XKR4: variants seen among roughly 807,000 people sequenced by gnomAD.
The protein encoded by XKR4 is XK-related protein 4.
Under a neutral mutation model 53.9 loss-of-function variants are expected in XKR4, and 12 were observed. The observed-to-expected ratio is 0.22, with a 90% CI of 0.14 to 0.36. The LOEUF is 0.36. Ranked by LOEUF, XKR4 falls within the 10% of genes least tolerant of loss-of-function variation. The pLI is 1.00. For synonymous variants in XKR4, 354 were observed against 362.4 expected (o/e 0.98, Z 0.26); for missense variants, 799 against 859.5 (o/e 0.93, Z 0.88).
chr8:55,314,422 G>T (rs1819432623), intron 1 of XKR4, among the ~76,000 whole-genome samples: 1 of 152,056 alleles, frequency 6.6e-6, no homozygotes, highest in Non-Finnish European at 1.5e-5. Context: ...CCCCCCCATC[G>T]CTGGGGCACC....
Position 55,133,941 on chromosome 8 carries a change from C to A in XKR4, c.806+30647C>A, listed in dbSNP as rs191541093. Among the ~76,000 whole-genome samples the A allele has an allele frequency of 2.6e-5, 4 of 152,150 alleles. No homozygotes were observed. The East Asian group carries it at 7.7e-4, about 29-fold the overall frequency. ...GCTGTGCATTGCTCAGAAGTGAAAA[C>A]GTCCATAACAGCTATAGAGACTGGG... On this transcript the variant is annotated intron_variant, in intron 1 of 2. Coordinates refer to ENST00000327381, the MANE Select transcript of XKR4 (RefSeq NM_052898.2).
chr8:55,317,847 G>T (rs759442337), intron 1 of XKR4, among the ~76,000 whole-genome samples: 57 of 152,204 alleles, frequency 3.7e-4, no homozygotes, highest in Non-Finnish European at 6.2e-4. Context: ...CCTAACATCA[G>T]GGGCTGAGAC....
At chr8:55,292,730 G>A (rs1280668778) in intron 1 of XKR4, among the ~76,000 whole-genome samples, 1 of 152,074 alleles carries the variant, frequency 6.6e-6, no homozygotes, top group African/African-American at 2.4e-5. Flanking sequence ...GGCATGAATT[G>A]TTAATTTGAG....
chr8:55,282,681 C>A (rs1041916694), intron 1 of XKR4, among the ~76,000 whole-genome samples: 1 of 152,144 alleles, frequency 6.6e-6, no homozygotes, highest in Non-Finnish European at 1.5e-5. Flanking sequence ...CTACCTCCAA[C>A]ATTGGGGATC....
chr8:55,290,883 A>T (rs1819009298), intron 1 of XKR4, among the ~76,000 whole-genome samples: 1 of 152,034 alleles, frequency 6.6e-6, no homozygotes, highest in Non-Finnish European at 1.5e-5. Context: ...AAAGTTTTTA[A>T]TTTTTATGTC....
At chr8:55,161,662 C>T (rs761788074) in intron 1 of XKR4, 30 of 455,746 alleles carry the variant, frequency 6.6e-5, no homozygotes, top group Admixed American at 1.6e-4. Flanking sequence ...AATACTTGGA[C>T]GGTGTTTAGA....
At chr8:55,444,723 G>T (rs959156049) in intron 2 of XKR4, among the ~76,000 whole-genome samples, 1 of 152,140 alleles carries the variant, frequency 6.6e-6, no homozygotes, top group East Asian at 1.9e-4. Context: ...CTGCTAATGG[G>T]AATGTATGTT....
At chr8:55,460,468 C>G (rs550152339) in intron 2 of XKR4, among the ~76,000 whole-genome samples, 1 of 152,208 alleles carries the variant, frequency 6.6e-6, no homozygotes, top group African/African-American at 2.4e-5. Flanking sequence ...AGATATTTAT[C>G]AAAGAAAATA....
intron 1 of XKR4, among the ~76,000 whole-genome samples, chr8:55,105,069 C>G (rs1461523570): frequency 2.0e-5 from 3 of 152,160 alleles, no homozygotes; most frequent in Non-Finnish European, 4.4e-5. Flanking sequence ...AAATACTTCT[C>G]TATCCTGTTA....
At chr8:55,353,550 T>A (rs909123078) in intron 1 of XKR4, among the ~76,000 whole-genome samples, 7 of 152,190 alleles carry the variant, frequency 4.6e-5, no homozygotes, top group Admixed American at 6.5e-5. Flanking sequence ...TTCAGAACCG[T>A]GAGATAATAA....
chr8:55,373,433 C>T (rs763047998), intron 2 of XKR4, among the ~76,000 whole-genome samples: 2 of 152,178 alleles, frequency 1.3e-5, no homozygotes, highest in African/African-American at 2.4e-5. Flanking sequence ...TCCCAAAGTA[C>T]TAGGATTACA....
intron 2 of XKR4, among the ~76,000 whole-genome samples, chr8:55,515,671 GCATGGCTTTCCTCC>G (rs1172278263): frequency 6.6e-6 from 1 of 152,174 alleles, no homozygotes; most frequent in African/African-American, 2.4e-5. Flanking sequence ...GAGGAGAAAA[GCATGGCTTTCCTCC>G]CAGGTGCTTG....
intron 1 of XKR4, among the ~76,000 whole-genome samples, chr8:55,140,962 T>G (rs534656068): frequency 6.6e-6 from 1 of 152,350 alleles, no homozygotes; most frequent in Non-Finnish European, 1.5e-5. Flanking sequence ...AACAGTTTTA[T>G]TGAAATATAA....
intron 2 of XKR4, among the ~76,000 whole-genome samples, chr8:55,416,296 A>G (rs746899288): frequency 2.0e-5 from 3 of 152,198 alleles, no homozygotes; most frequent in Non-Finnish European, 4.4e-5. Context: ...TCTTCATTTT[A>G]TTTCGGTGAT....
At position 55,251,517 on chromosome 8, in the gene XKR4, T is replaced by C. The variant is rs73682927; in HGVS notation, c.807-106161T>C. Among the ~76,000 whole-genome samples, 553 of 152,352 alleles carry C rather than the reference T, an allele frequency of 3.6e-3. 4 individuals are homozygous for C. Among genetic ancestry groups the C allele is most frequent in the African/African-American group, 0.012 (500 of 41,578 alleles). ...ATTGAAAGATAATTAGTTATGTGAC[T>C]GGGATAGAATGGGTCCTATAGATCC... On this transcript the variant is annotated intron_variant, in intron 1 of 2. Coordinates refer to ENST00000327381, the MANE Select transcript of XKR4 (RefSeq NM_052898.2).
intron 1 of XKR4, chr8:55,161,789 A>G (rs1404850411): frequency 1.7e-5 from 6 of 358,812 alleles, no homozygotes; most frequent in Admixed American, 7.3e-5. Flanking sequence ...ACAGGTTACA[A>G]AACTGTGCTT....
intron 2 of XKR4, among the ~76,000 whole-genome samples, chr8:55,369,741 CAT>C (rs1300099190): frequency 6.6e-6 from 1 of 151,980 alleles, no homozygotes; most frequent in East Asian, 1.9e-4. Flanking sequence ...ACATCACAAA[CAT>C]ATATTCATAA....
Position 55,107,270 on chromosome 8 carries a change from G to T in XKR4, c.806+3976G>T, listed in dbSNP as rs556298588. ...AGTAAGCGGCTTAACCTCTTAATAG[G>T]GTCACCCAACTATTATGTAGTGTAG... On this transcript the variant is annotated intron_variant, in intron 1 of 2. Transcript: ENST00000327381. 2.6e-4 allele frequency among the ~76,000 whole-genome samples: 40 copies of T among 152,104 alleles called. No individual in the cohort carries two copies. The South Asian group carries it at 7.1e-3, about 27-fold the overall frequency.
At chr8:55,504,937 G>T (rs1243905360) in intron 2 of XKR4, among the ~76,000 whole-genome samples, 1 of 151,720 alleles carries the variant, frequency 6.6e-6, no homozygotes, top group Non-Finnish European at 1.5e-5. Flanking sequence ...AATAATTGAG[G>T]TTCTTTTTTT....
Sources: allele counts gnomAD v4.1 joint callset (sites outside exome capture counted in the v4.1 genomes callset), GRCh38; gene constraint gnomAD v4.1.1; transcripts MANE v1.5; gene names NCBI Gene and HGNC (gene_info 2026-07-23, HGNC 2026-07-21).